ZFPM2: variants seen among roughly 807,000 people sequenced by gnomAD.
The protein encoded by ZFPM2 is zinc finger protein, FOG family member 2.
In ZFPM2, 20 loss-of-function variants were observed where a neutral mutation model predicts 98.6. The observed-to-expected ratio is 0.20, with a 90% CI of 0.14 to 0.29. ZFPM2 has a LOEUF of 0.29. Ranked by LOEUF, ZFPM2 falls within the 10% of genes least tolerant of loss-of-function variation. ZFPM2 has a pLI of 1.00. For missense variants in ZFPM2, 1,310 were observed against 1,388.6 expected, an observed-to-expected ratio of 0.94 and a Z score of 0.90; for synonymous variants, 518 against 502.7, an observed-to-expected ratio of 1.03 and a Z score of -0.41.
intron 4 of ZFPM2, among the ~76,000 whole-genome samples, chr8:105,573,979 A>G (rs1267151681): frequency 6.6e-6 from 1 of 152,226 alleles, no homozygotes; most frequent in Non-Finnish European, 1.5e-5. Flanking sequence ...ATATAAAATT[A>G]TACGCATTTA....
intron 3 of ZFPM2, among the ~76,000 whole-genome samples, chr8:105,499,096 G>A: frequency 6.6e-6 from 1 of 151,984 alleles, no homozygotes; most frequent in East Asian, 1.9e-4. Flanking sequence ...GTCCCCTCTT[G>A]CTCTCCCTTC....
intron 1 of ZFPM2, among the ~76,000 whole-genome samples, chr8:105,379,432 A>T (rs144769460): frequency 1.5e-3 from 226 of 152,302 alleles, no homozygotes; most frequent in African/African-American, 5.2e-3. Flanking sequence ...TCAGTGAACC[A>T]GCAAACCAGT....
At chr8:105,562,733 G>T (rs1261368865) in intron 4 of ZFPM2, among the ~76,000 whole-genome samples, 1 of 152,046 alleles carries the variant, frequency 6.6e-6, no homozygotes, top group African/African-American at 2.4e-5. Flanking sequence ...ATTTAAGGAT[G>T]CTTATGATTA....
At chr8:105,792,791 T>C (rs1033906850) in intron 6 of ZFPM2, among the ~76,000 whole-genome samples, 4 of 152,356 alleles carry the variant, frequency 2.6e-5, no homozygotes, top group African/African-American at 9.6e-5. Context: ...CATATATATT[T>C]AGGATAGTTA....
At chr8:105,672,052 T>C (rs1260393632) in intron 5 of ZFPM2, among the ~76,000 whole-genome samples, 1 of 152,150 alleles carries the variant, frequency 6.6e-6, no homozygotes, top group Admixed American at 6.6e-5. Flanking sequence ...AACTGATTTG[T>C]TTCATCAAAT....
At chr8:105,394,248 G>T (rs1245931231) in intron 1 of ZFPM2, among the ~76,000 whole-genome samples, 1 of 152,144 alleles carries the variant, frequency 6.6e-6, no homozygotes, top group Non-Finnish European at 1.5e-5. Flanking sequence ...TGCAAGTGGG[G>T]AGTTTGGATG....
intron 1 of ZFPM2, among the ~76,000 whole-genome samples, chr8:105,396,089 TA>T (rs1362404049): frequency 6.6e-6 from 1 of 152,224 alleles, no homozygotes; most frequent in Non-Finnish European, 1.5e-5. Context: ...ACCATATTTC[TA>T]CATTTTACCA....
rs1491588949 is a variant in ZFPM2 at position 105,754,944 on chromosome 8, A to ATG, written c.533-33773_533-33772insGT. On this transcript the variant is annotated intron_variant, in intron 5 of 7. Transcript: ENST00000407775. ...TTTTGTGACGGTCTGGAGAAATTTA[A>ATG]TATGTGTGTGTGTGTGTGTGTGTGT... 2.4e-4 allele frequency among the ~76,000 whole-genome samples: 29 copies of ATG among 122,416 alleles called. No homozygotes were observed. In the East Asian group the frequency reaches 6.4e-3, roughly 27 times the overall value. 80.3% of individuals were successfully genotyped at this position (122,416 alleles called of 152,430 possible).
chr8:105,787,947 T>C (rs2131133630), intron 5 of ZFPM2, among the ~76,000 whole-genome samples: 1 of 152,352 alleles, frequency 6.6e-6, no homozygotes, highest in African/African-American at 2.4e-5. Context: ...CAACATGTGA[T>C]CGTTGACATG....
intron 5 of ZFPM2, among the ~76,000 whole-genome samples, chr8:105,640,081 A>G (rs1816922213): frequency 6.6e-6 from 1 of 152,000 alleles, no homozygotes; most frequent in Non-Finnish European, 1.5e-5. Flanking sequence ...TACAATACAA[A>G]TTCATGATAT....
At chr8:105,383,417 A>G (rs1810925509) in intron 1 of ZFPM2, among the ~76,000 whole-genome samples, 1 of 152,156 alleles carries the variant, frequency 6.6e-6, no homozygotes, top group Non-Finnish European at 1.5e-5. Flanking sequence ...CAGCAGCCGA[A>G]TTCTTGGTCC....
intron 3 of ZFPM2, among the ~76,000 whole-genome samples, chr8:105,535,734 A>T (rs990414834): frequency 2.6e-5 from 4 of 152,130 alleles, no homozygotes; most frequent in African/African-American, 7.2e-5. Flanking sequence ...TCAGCCCTGG[A>T]GGGAGAGTTT....
intron 3 of ZFPM2, among the ~76,000 whole-genome samples, chr8:105,486,926 C>G (rs1265251280): frequency 6.6e-6 from 1 of 152,122 alleles, no homozygotes. Context: ...TCACATTACA[C>G]TAATATTTAA....
intron 1 of ZFPM2, among the ~76,000 whole-genome samples, chr8:105,330,605 T>G (rs1367875957): frequency 4.1e-5 from 1 of 24,484 alleles, no homozygotes; most frequent in Non-Finnish European, 6.5e-5. Flanking sequence ...CATATATATA[T>G]ATATACACAT....
At chr8:105,710,553 G>T (rs544872782) in intron 5 of ZFPM2, among the ~76,000 whole-genome samples, 9 of 152,158 alleles carry the variant, frequency 5.9e-5, no homozygotes, top group African/African-American at 2.2e-4. Flanking sequence ...GATATGCAAT[G>T]AGAAAGAAAT....
intron 5 of ZFPM2, among the ~76,000 whole-genome samples, chr8:105,654,358 A>G (rs1418278168): frequency 6.6e-6 from 1 of 152,192 alleles, no homozygotes; most frequent in Non-Finnish European, 1.5e-5. Context: ...GGGCAGGAAC[A>G]TCAGTGAACG....
At chr8:105,353,772 A>C (rs528789449) in intron 1 of ZFPM2, among the ~76,000 whole-genome samples, 1 of 152,214 alleles carries the variant, frequency 6.6e-6, no homozygotes, top group Admixed American at 6.5e-5. Flanking sequence ...CTATGTTAGC[A>C]GTCTTCACAT....
At chr8:105,555,486 A>G (rs1190277459) in intron 3 of ZFPM2, among the ~76,000 whole-genome samples, 1 of 151,204 alleles carries the variant, frequency 6.6e-6, no homozygotes, top group African/African-American at 2.5e-5. Flanking sequence ...CAATTGTACT[A>G]AAATTGAGAT....
chr8:105,434,192 ATT>A (rs879458368), intron 2 of ZFPM2, among the ~76,000 whole-genome samples: 1 of 145,988 alleles, frequency 6.8e-6, no homozygotes, highest in Non-Finnish European at 1.5e-5. Context: ...GAAATTCTTA[ATT>A]TTTTTTTTTT....
Sources: gnomAD v4.1 joint callset for allele counts (sites outside exome capture counted in the v4.1 genomes callset) on GRCh38, gnomAD v4.1.1 for gene constraint, MANE v1.5 for transcripts, NCBI Gene and HGNC (gene_info 2026-07-23, HGNC 2026-07-21) for gene names.